Variants in MRTFB observed in about 807,000 individuals in gnomAD.
MRTFB encodes the protein myocardin related transcription factor B.
MRTFB carries 29 observed loss-of-function variants against 104.2 expected under a neutral mutation model. The ratio of observed to expected loss-of-function variants is 0.28; its 90% CI spans 0.21 to 0.38. The LOEUF is 0.38. MRTFB is among the 10% of genes least tolerant of loss of function. The probability of loss-of-function intolerance (pLI) is 1.00; values close to 1 mark genes in which losing one functional copy is unlikely to be tolerated. For synonymous variants in MRTFB, 535 were observed against 519.5 expected, an observed-to-expected ratio of 1.03 and a Z score of -0.41; for missense variants, 1,270 against 1,341.6, an observed-to-expected ratio of 0.95 and a Z score of 0.83.
Position 14,234,208 on chromosome 16 carries a change from T to TCCC in MRTFB, c.759_761dup (p.Pro254dup). On this transcript the variant is annotated inframe_insertion, in exon 9 of 17. Transcript: ENST00000571589. ...AAACTCCTCCAACTGCAGATCAGCC[T>TCCC]CCCCCACGGCCTGCAGCTCCTGTCC... The TCCC allele has an allele frequency of 6.2e-7, 1 of 1,614,050 alleles. No homozygotes were observed. Among genetic ancestry groups the TCCC allele is most frequent in the Non-Finnish European group, 8.5e-7 (1 of 1,179,990 alleles).
the MRTFB span, among the ~76,000 whole-genome samples, chr16:13,996,923 G>T: frequency 6.6e-6 from 1 of 152,370 alleles, no homozygotes; most frequent in South Asian, 2.1e-4. Flanking sequence ...CAGGCTGATA[G>T]GTCTCAGGGA....
chr16:14,240,512 C>T (rs761114260), intron 10 of MRTFB, 28 bp downstream of exon 10: 24 of 1,614,052 alleles, frequency 1.5e-5, no homozygotes, highest in Middle Eastern at 3.3e-4. Flanking sequence ...CTATCCTCAA[C>T]GCGGGGTTTT....
At chr16:13,999,712 G>A in the MRTFB span, among the ~76,000 whole-genome samples, 1 of 152,130 alleles carries the variant, frequency 6.6e-6, no homozygotes, top group African/African-American at 2.4e-5. Context: ...AGAACGCTGT[G>A]TCCTTGTGAA....
At chr16:14,054,804 T>G in the MRTFB span, among the ~76,000 whole-genome samples, 1 of 152,332 alleles carries the variant, frequency 6.6e-6, no homozygotes, top group Non-Finnish European at 1.5e-5. Context: ...ATGGAAGCTC[T>G]GAAGGGCCTT....
At chr16:14,208,358 G>A (rs76295878) in intron 3 of MRTFB, among the ~76,000 whole-genome samples, 6,489 of 152,272 alleles carry the variant, frequency 0.043, 183 homozygotes, top group Non-Finnish European at 0.059. Flanking sequence ...CCCAAAAAAC[G>A]TATTGTGTCT....
intron 3 of MRTFB, among the ~76,000 whole-genome samples, chr16:14,163,085 A>C (rs916878795): frequency 6.6e-6 from 1 of 152,196 alleles, no homozygotes; most frequent in African/African-American, 2.4e-5. Flanking sequence ...TACACCACCA[A>C]CAATATTACT....
chr16:14,217,395 G>T, intron 7 of MRTFB, 108 bp downstream of exon 7: 1 of 916,338 alleles, frequency 1.1e-6, no homozygotes. Flanking sequence ...ATTGTTTTCT[G>T]GGTTAATTAG....
chr16:14,023,600 CACACACACACATACATATACATAT>C, the MRTFB span, among the ~76,000 whole-genome samples: 3 of 89,592 alleles, frequency 3.3e-5, no homozygotes, highest in African/African-American at 1.5e-4. Context: ...CACACACACA[CACACACACACATACATATACATAT>C]ACATATACAT....
chr16:14,048,140 G>A, the MRTFB span, among the ~76,000 whole-genome samples: 1 of 152,090 alleles, frequency 6.6e-6, no homozygotes, highest in African/African-American at 2.4e-5. Flanking sequence ...AAATCCAACG[G>A]GGCAGTCAAA....
chr16:14,174,066 T>C (rs1195854923), intron 3 of MRTFB, among the ~76,000 whole-genome samples: 1 of 151,966 alleles, frequency 6.6e-6, no homozygotes, highest in East Asian at 1.9e-4. Flanking sequence ...TTGTTTTCCC[T>C]GTGACTTAAT....
rs1007606658 is a variant in MRTFB at position 14,233,781 on chromosome 16, C to CAAAAAAA, written c.694-348_694-342dup. Among the ~76,000 whole-genome samples the CAAAAAAA allele has an allele frequency of 5.7e-3, 285 of 49,986 alleles. 4 individuals carry two copies. The highest frequency in any genetic ancestry group is 8.6e-3 in the African/African-American group (122 of 14,226). 32.8% of individuals were successfully genotyped at this position (49,986 alleles called of 152,430 possible). A position where few individuals can be genotyped will look rare whatever the true frequency, so the allele number is the denominator to read the frequency against. ...TTCCAGCCTGAGTGAGACTCCCTCTCAAAAAAAAAAAAAAAAAAAAAAAGA... is the reference window on the plus strand; with the variant it reads ...TTCCAGCCTGAGTGAGACTCCCTCTCAAAAAAAAAAAAAAAAAAAAAAAAAAAAAAGA... On this transcript the variant is annotated intron_variant, in intron 8 of 16. Coordinates refer to ENST00000571589, the MANE Select transcript of MRTFB (RefSeq NM_001308142.2).
the MRTFB span, among the ~76,000 whole-genome samples, chr16:14,006,287 G>A: frequency 2.6e-5 from 4 of 152,156 alleles, no homozygotes; most frequent in African/African-American, 7.2e-5. Flanking sequence ...AGGTTGCAGC[G>A]AGCCGAGATT....
At chr16:14,164,122 A>G (rs1311642811) in intron 3 of MRTFB, among the ~76,000 whole-genome samples, 5 of 152,164 alleles carry the variant, frequency 3.3e-5, no homozygotes, top group Non-Finnish European at 7.3e-5. Context: ...AAGTCACCCT[A>G]TTCTGCTGTT....
chr16:14,128,629 TC>T (rs1247707711), intron 2 of MRTFB, among the ~76,000 whole-genome samples: 63 of 152,328 alleles, frequency 4.1e-4, no homozygotes, highest in African/African-American at 1.3e-3. Context: ...TAGATATCTT[TC>T]CATATCAGTA....
intron 2 of MRTFB, among the ~76,000 whole-genome samples, chr16:14,084,533 C>CT (rs1036157999): frequency 6.6e-6 from 1 of 151,916 alleles, no homozygotes; most frequent in African/African-American, 2.4e-5. Flanking sequence ...GAGTGAGACT[C>CT]TGTCTTGAAA....
At chr16:14,017,696 T>C in the MRTFB span, among the ~76,000 whole-genome samples, 12 of 30,678 alleles carry the variant, frequency 3.9e-4, no homozygotes, top group African/African-American at 8.5e-4. Flanking sequence ...TGTATATATA[T>C]ATATATATAT....
chr16:14,237,603 A>G (rs1184349496), intron 9 of MRTFB, among the ~76,000 whole-genome samples: 2 of 152,204 alleles, frequency 1.3e-5, no homozygotes, highest in Non-Finnish European at 2.9e-5. Context: ...GGGTCAAGGA[A>G]GGCTGTTTGT....
chr16:14,096,360 C>A (rs537556001), intron 2 of MRTFB, among the ~76,000 whole-genome samples: 1 of 152,152 alleles, frequency 6.6e-6, no homozygotes, highest in African/African-American at 2.4e-5. Flanking sequence ...GTGTGACTCA[C>A]TGTGCCTGGC....
the MRTFB span, among the ~76,000 whole-genome samples, chr16:14,045,118 C>A: frequency 2.0e-5 from 3 of 152,174 alleles, no homozygotes; most frequent in Non-Finnish European, 2.9e-5. Context: ...TTCAATCAGT[C>A]TCACTTATTA....
Sources: gnomAD v4.1 joint callset for allele counts (sites outside exome capture counted in the v4.1 genomes callset) on GRCh38, gnomAD v4.1.1 for gene constraint, MANE v1.5 for transcripts, NCBI Gene and HGNC (gene_info 2026-07-23, HGNC 2026-07-21) for gene names.